FSTL5: variants seen among roughly 807,000 people sequenced by gnomAD.
The protein encoded by FSTL5 is follistatin like 5.
A neutral mutation model predicts 89.1 loss-of-function variants in FSTL5; 62 were observed. The ratio of observed to expected loss-of-function variants is 0.70; its 90% confidence interval spans 0.57 to 0.86. FSTL5 has a LOEUF of 0.86. FSTL5 is among the 40% of genes least tolerant of loss of function. FSTL5 has a pLI of 0.00. For synonymous variants in FSTL5, 383 were observed against 346.2 expected, an observed-to-expected ratio of 1.11 and a Z score of -1.18; for missense variants, 1,057 against 1,001.6, an observed-to-expected ratio of 1.06 and a Z score of -0.75.
At chr4:161,450,604 T>A (rs2126390332) in intron 15 of FSTL5, among the ~76,000 whole-genome samples, 1 of 152,300 alleles carries the variant, frequency 6.6e-6, no homozygotes, top group Middle Eastern at 3.4e-3. Context: ...TATAACTTAT[T>A]TTTTTGGATA....
At chr4:161,400,946 T>A (rs1006661733) in intron 15 of FSTL5, among the ~76,000 whole-genome samples, 2 of 152,150 alleles carry the variant, frequency 1.3e-5, no homozygotes, top group African/African-American at 4.8e-5. Context: ...CAGCATTAAC[T>A]AATTATTTTT....
At position 161,607,005 on chromosome 4, in the gene FSTL5, G is replaced by A. The variant is rs149499797; in HGVS notation, c.895-19430C>T. ...TTTCCTCATTAGGAGAGGCTGCAAG[G>A]GTGAAATGAAATGATTTGAAGATTA... On this transcript the variant is annotated intron_variant, in intron 7 of 15. Coordinates refer to ENST00000306100, the MANE Select transcript of FSTL5 (RefSeq NM_020116.5). 2.4e-4 allele frequency among the ~76,000 whole-genome samples: 36 copies of A among 152,108 alleles called. No individual in the cohort carries two copies. In the East Asian group the frequency reaches 7.0e-3, roughly 29 times the overall value.
At chr4:161,496,835 G>GAGATAA in intron 12 of FSTL5, among the ~76,000 whole-genome samples, 1 of 151,508 alleles carries the variant, frequency 6.6e-6, no homozygotes, top group Non-Finnish European at 1.5e-5. Context: ...GATAGAGATA[G>GAGATAA]AGATCAAAAG....
At chr4:161,996,950 G>A (rs1736312981) in intron 3 of FSTL5, among the ~76,000 whole-genome samples, 1 of 152,170 alleles carries the variant, frequency 6.6e-6, no homozygotes, top group African/African-American at 2.4e-5. Context: ...CTGCATTTTA[G>A]TGGGCAATTA....
intron 6 of FSTL5, among the ~76,000 whole-genome samples, chr4:161,681,410 A>G (rs531544973): frequency 6.6e-6 from 1 of 152,204 alleles, no homozygotes; most frequent in East Asian, 1.9e-4. Context: ...GATGTTTGTA[A>G]GTCTCAAATA....
At chr4:161,532,521 T>G (rs2126532123) in intron 10 of FSTL5, among the ~76,000 whole-genome samples, 1 of 152,324 alleles carries the variant, frequency 6.6e-6, no homozygotes, top group South Asian at 2.1e-4. Context: ...TTTTGTAGAT[T>G]TATACAAGTC....
intron 12 of FSTL5, among the ~76,000 whole-genome samples, chr4:161,491,110 T>C (rs983916849): frequency 6.6e-6 from 1 of 151,890 alleles, no homozygotes; most frequent in African/African-American, 2.4e-5. Flanking sequence ...GGCTCTTTTT[T>C]ACTAAAAATT....
At chr4:161,739,817 T>C (rs1352647689) in intron 6 of FSTL5, among the ~76,000 whole-genome samples, 1 of 150,716 alleles carries the variant, frequency 6.6e-6, no homozygotes, top group Non-Finnish European at 1.5e-5. Flanking sequence ...AATACACTTG[T>C]TTTTAAAACT....
chr4:161,889,627 A>T (rs760506906), intron 4 of FSTL5, among the ~76,000 whole-genome samples: 3 of 152,212 alleles, frequency 2.0e-5, no homozygotes, highest in Non-Finnish European at 4.4e-5. Context: ...CTGAGCGACA[A>T]GATGAAACTC....
At position 161,873,614 on chromosome 4, in the gene FSTL5, T is replaced by C. The variant is rs1352349953; in HGVS notation, c.409+46790A>G. Among the ~76,000 whole-genome samples, 4 of 147,038 alleles carry C rather than the reference T, an allele frequency of 2.7e-5. No homozygotes were observed. The Admixed American group carries it at 2.9e-4, about 10-fold the overall frequency. ...TATTTAAATATATATATATATACTGTATAATCTAGTTGCCATATGTCCACT... is the reference window on the plus strand; with the variant it reads ...TATTTAAATATATATATATATACTGCATAATCTAGTTGCCATATGTCCACT... On this transcript the variant is annotated intron_variant, in intron 4 of 15. Coordinates refer to ENST00000306100, the MANE Select transcript of FSTL5 (RefSeq NM_020116.5).
intron 6 of FSTL5, among the ~76,000 whole-genome samples, chr4:161,662,411 G>A (rs1736748939): frequency 6.6e-6 from 1 of 152,022 alleles, no homozygotes; most frequent in South Asian, 2.1e-4. Flanking sequence ...TTCCAGGTTA[G>A]ACATTTTTAC....
intron 6 of FSTL5, among the ~76,000 whole-genome samples, chr4:161,660,948 T>C (rs542261421): frequency 6.6e-6 from 1 of 152,290 alleles, no homozygotes; most frequent in South Asian, 2.1e-4. Context: ...TTCGTGTGCA[T>C]GTGTCTTTGT....
chr4:162,068,563 A>C (rs914984355), intron 2 of FSTL5, among the ~76,000 whole-genome samples: 1 of 152,122 alleles, frequency 6.6e-6, no homozygotes, highest in South Asian at 2.1e-4. Flanking sequence ...AGATGGATTA[A>C]AGACTTAAAC....
chr4:161,928,955 T>C (rs1734204082), intron 3 of FSTL5, among the ~76,000 whole-genome samples: 1 of 151,822 alleles, frequency 6.6e-6, no homozygotes, highest in Non-Finnish European at 1.5e-5. Context: ...GTAACTAAAA[T>C]GTCTTCACCA....
chr4:161,824,610 T>C (rs1306967135), intron 4 of FSTL5, among the ~76,000 whole-genome samples: 1 of 152,216 alleles, frequency 6.6e-6, no homozygotes, highest in Non-Finnish European at 1.5e-5. Flanking sequence ...CTATGATTTC[T>C]TTCAGCAGTA....
intron 8 of FSTL5, among the ~76,000 whole-genome samples, chr4:161,552,042 A>G (rs183028458): frequency 6.6e-6 from 1 of 152,072 alleles, no homozygotes; most frequent in Non-Finnish European, 1.5e-5. Context: ...CATCAGAGTG[A>G]ACAGGCAACC....
intron 9 of FSTL5, among the ~76,000 whole-genome samples, chr4:161,540,542 G>T (rs1731783687): frequency 6.6e-6 from 1 of 151,928 alleles, no homozygotes; most frequent in Non-Finnish European, 1.5e-5. Flanking sequence ...TTCTTTCCAA[G>T]GCAAATCTCC....
intron 6 of FSTL5, among the ~76,000 whole-genome samples, chr4:161,672,611 T>G: frequency 6.6e-6 from 1 of 151,422 alleles, no homozygotes; most frequent in Non-Finnish European, 1.5e-5. Context: ...TATATAGAAT[T>G]GAAGAAAAAT....
rs150870990 is a variant in FSTL5, at chr4:161,860,839, A to C, written c.409+59565T>G. Among the ~76,000 whole-genome samples, 328 of 152,256 alleles carry C rather than the reference A, an allele frequency of 2.2e-3. 4 individuals carry two copies. Among genetic ancestry groups the C allele is most frequent in the South Asian group, 0.015 (70 of 4,814 alleles). On this transcript the variant is annotated intron_variant, in intron 4 of 15. Transcript: ENST00000306100. ...CCTGTAATACAAGTACTCACCTCAT[A>C]GCCCAAGAAATCTTGGAAAGATGTT...
Sources: gnomAD v4.1 joint callset for allele counts (sites outside exome capture counted in the v4.1 genomes callset) on GRCh38, gnomAD v4.1.1 for gene constraint, MANE v1.5 for transcripts, NCBI Gene and HGNC (gene_info 2026-07-23, HGNC 2026-07-21) for gene names.